COL18A1: variants seen among roughly 807,000 people sequenced by gnomAD.
COL18A1 encodes collagen type XVIII alpha 1 chain.
A neutral mutation model predicts 168.0 loss-of-function variants in COL18A1; 133 were observed. The observed-to-expected ratio is 0.79, with a 90% confidence interval of 0.69 to 0.91. COL18A1 has a LOEUF of 0.91. Ranked by LOEUF, COL18A1 falls within the 40% of genes least tolerant of loss-of-function variation. The pLI is 0.00. For synonymous variants in COL18A1, 949 were observed against 809.0 expected, an observed-to-expected ratio of 1.17 and a Z score of -2.94; for missense variants, 2,126 against 1,925.4, an observed-to-expected ratio of 1.10 and a Z score of -1.95.
chr21:45,422,079 C>T (rs2033641730), intron 2 of COL18A1, among the ~76,000 whole-genome samples: 1 of 150,254 alleles, frequency 6.7e-6, no homozygotes, highest in Non-Finnish European at 1.5e-5. Context: ...TTCACATATA[C>T]ACAGCTCACA....
chr21:45,475,893 C>T (rs2035630633), intron 5 of COL18A1, among the ~76,000 whole-genome samples: 1 of 152,264 alleles, frequency 6.6e-6, no homozygotes, highest in Non-Finnish European at 1.5e-5. Context: ...GTGAGCCTGA[C>T]GACCAGGAGG....
chr21:45,453,270 C>T (rs113763846), intron 2 of COL18A1, among the ~76,000 whole-genome samples: 197 of 152,150 alleles, frequency 1.3e-3, no homozygotes, highest in African/African-American at 4.5e-3. Context: ...CTGGCACGTA[C>T]GCTTATATGT....
At chr21:45,485,911 G>A (rs1444507529) in intron 15 of COL18A1, among the ~76,000 whole-genome samples, 3 of 152,188 alleles carry the variant, frequency 2.0e-5, no homozygotes, top group Non-Finnish European at 4.4e-5. Flanking sequence ...ATCTCATTCC[G>A]CTCTGTCCCG....
intron 38 of COL18A1, 40 bp downstream of exon 38, chr21:45,507,633 G>C: frequency 6.3e-7 from 1 of 1,587,722 alleles, no homozygotes; most frequent in Non-Finnish European, 8.6e-7. Context: ...TGGGTGGTCA[G>C]GACATGAGGG....
chr21:45,432,609 C>G (rs1224795403), intron 2 of COL18A1, among the ~76,000 whole-genome samples: 1 of 152,222 alleles, frequency 6.6e-6, no homozygotes, highest in Non-Finnish European at 1.5e-5. Flanking sequence ...TGGCTCCAGT[C>G]AGAGCATCTG....
At position 45,484,372 on chromosome 21, in the gene COL18A1, GCA is replaced by G. The variant is rs1314612015; in HGVS notation, c.1701+1560_1701+1561del. Among the ~76,000 whole-genome samples the G allele has an allele frequency of 7.5e-4, 58 of 77,758 alleles. 1 individual carries two copies. Among genetic ancestry groups the G allele is most frequent in the Admixed American group, 3.2e-3 (22 of 6,902 alleles). The allele number at this position is 77,758 out of a possible 152,430, so 51.0% of individuals were successfully genotyped here. On this transcript the variant is annotated intron_variant, in intron 15 of 41. Transcript: ENST00000651438. ...AGCATATGTGCGCACACACATACAC[GCA>G]CACACACATCTCCAGCATGTGTGTA...
rs758401323 is a variant in COL18A1, at chr21:45,512,289, A to G, written c.3911A>G (p.Gln1304Arg). ...ACGGAGGCTCCCTCGGCCACGGGCCAGGCCTCCTCGCTGCTGGGGGGCAGG... is the reference window on the plus strand; with the variant it reads ...ACGGAGGCTCCCTCGGCCACGGGCCGGGCCTCCTCGCTGCTGGGGGGCAGG... ...WRTEAPSATG[Q>R]ASSLLGGRLL... The change falls in exon 42 of 42, where the codon CAG (glutamine) becomes CGG (arginine). Residue 1304 changes from glutamine to arginine, a missense_variant. Physicochemically the swap from Gln to Arg is conservative, Grantham distance 43 (BLOSUM62 1). Transcript: ENST00000651438. 2 of 1,612,040 alleles carry G rather than the reference A, an allele frequency of 1.2e-6. No homozygotes were observed. Among genetic ancestry groups the G allele is most frequent in the Admixed American group, 3.3e-5 (2 of 59,946 alleles).
chr21:45,428,927 G>A (rs561243259), intron 2 of COL18A1, among the ~76,000 whole-genome samples: 47 of 149,588 alleles, frequency 3.1e-4, no homozygotes, highest in African/African-American at 8.8e-4. Context: ...AATTTGAGAC[G>A]GAGTCTTGCT....
chr21:45,451,911 C>A (rs2034631222), intron 2 of COL18A1, among the ~76,000 whole-genome samples: 1 of 152,228 alleles, frequency 6.6e-6, no homozygotes, highest in Admixed American at 6.5e-5. Flanking sequence ...CCAGCCGCCC[C>A]ATCAGAGCCA....
intron 2 of COL18A1, among the ~76,000 whole-genome samples, chr21:45,427,682 C>T (rs549882175): frequency 6.6e-6 from 1 of 152,196 alleles, no homozygotes; most frequent in Non-Finnish European, 1.5e-5. Flanking sequence ...CTGGACTTTG[C>T]CGTGAGGGGT....
rs1352414795 is a variant in COL18A1, at chr21:45,490,471, TCCCTGGGCC to T, written c.2031+126_2031+134del. ...CTGGGTCTCCATGTGCCCTCGTGGG[TCCCTGGGCC>T]TCCGTGTGCCCTCCCGGGTCTCTGG... On this transcript the variant is annotated intron_variant, in intron 20 of 41. Coordinates refer to ENST00000651438, the MANE Select transcript of COL18A1 (RefSeq NM_001379500.1). The T allele has an allele frequency of 2.1e-4, 165 of 791,096 alleles. 1 individual carries two copies. The African/African-American group carries it at 2.1e-3, about 10-fold the overall frequency. 49.0% of individuals were successfully genotyped at this position (791,096 alleles called of 1,614,324 possible).
In COL18A1 at chr21:45,487,459, G is replaced by A. The variant is rs1369482405; in HGVS notation, c.1846G>A (p.Gly616Ser). The A allele has an allele frequency of 6.2e-7, 1 of 1,613,054 alleles. No homozygotes were observed. Among genetic ancestry groups the A allele is most frequent in the East Asian group, 2.2e-5 (1 of 44,876 alleles). ...GLPAGFDDME[G>S]SGGPFWSTAR... ...GTGTCTCTTCCAGGATGACATGGAA[G>A]GCTCCGGGGGGCCCTTCTGGTCAAC... The change falls in exon 17 of 42, where the codon GGC (glycine) becomes AGC (serine). Residue 616 changes from glycine (G) to serine (S), a missense_variant. By Grantham distance (56) the Gly-to-Ser change is moderately conservative. Coordinates refer to ENST00000651438, the MANE Select transcript of COL18A1 (RefSeq NM_001379500.1).
At chr21:45,440,685 G>C (rs1455158803) in intron 2 of COL18A1, among the ~76,000 whole-genome samples, 1 of 152,014 alleles carries the variant, frequency 6.6e-6, no homozygotes, top group Non-Finnish European at 1.5e-5. Flanking sequence ...AAGCAGTCGG[G>C]GCCTGCTGGG....
At chr21:45,490,531 T>C (rs1281006475) in intron 20 of COL18A1, among the ~76,000 whole-genome samples, 185 bp downstream of exon 20, 3,190 of 78,614 alleles carry the variant, frequency 0.041, 24 homozygotes, top group Middle Eastern at 0.081. Context: ...CTCCCGGGTC[T>C]CTGGGCCTCC....
At chr21:45,504,636 T>G (rs2037075856) in intron 34 of COL18A1, 80 bp downstream of exon 34, 11 of 1,314,808 alleles carry the variant, frequency 8.4e-6, no homozygotes, top group Non-Finnish European at 1.1e-6. Context: ...AGCCCGGCCT[T>G]CGACACCCGC....
At chr21:45,489,230 C>A (rs1432797745) in intron 18 of COL18A1, among the ~76,000 whole-genome samples, 1 of 152,232 alleles carries the variant, frequency 6.6e-6, no homozygotes, top group Non-Finnish European at 1.5e-5. Context: ...CGGGGTTCCT[C>A]TTGCAGTCTG....
At chr21:45,493,455 G>A (rs369586995) in intron 25 of COL18A1, 46 bp from the exon 26 acceptor site, 9 of 1,502,314 alleles carry the variant, frequency 6.0e-6, no homozygotes, top group African/African-American at 1.4e-5. Context: ...GAGGCTTTGT[G>A]GGGAAGGAGC....
At chr21:45,483,669 G>T (rs2035975116) in intron 15 of COL18A1, among the ~76,000 whole-genome samples, 1 of 139,620 alleles carries the variant, frequency 7.2e-6, no homozygotes. Flanking sequence ...AACGTCAGGA[G>T]CTCCTCACCT....
chr21:45,496,742 G>C (rs747652270), intron 30 of COL18A1, among the ~76,000 whole-genome samples, 174 bp downstream of exon 30: 1 of 152,240 alleles, frequency 6.6e-6, no homozygotes, highest in Non-Finnish European at 1.5e-5. Flanking sequence ...GTGAAGGCCT[G>C]GGAAAGGGAG....
Sources: allele counts gnomAD v4.1 joint callset (sites outside exome capture counted in the v4.1 genomes callset), GRCh38; gene constraint gnomAD v4.1.1; transcripts MANE v1.5; gene names NCBI Gene and HGNC (gene_info 2026-07-23, HGNC 2026-07-21).